LMNB2: variants seen among roughly 807,000 people sequenced by gnomAD.
LMNB2 encodes the protein lamin B2.
LMNB2 carries 17 observed loss-of-function variants against 69.3 expected under a neutral mutation model. The ratio of observed to expected loss-of-function variants is 0.25; its 90% CI spans 0.17 to 0.37. The LOEUF is 0.37. Among genes scored for constraint, LMNB2 ranks in the 10% least tolerant of loss-of-function variants. The probability of loss-of-function intolerance (pLI) is 1.00; values close to 1 mark genes in which losing one functional copy is unlikely to be tolerated. For missense variants in LMNB2, 789 were observed against 883.6 expected, an observed-to-expected ratio of 0.89 and a Z score of 1.36; for synonymous variants, 397 against 389.3, an observed-to-expected ratio of 1.02 and a Z score of -0.23.
Position 2,436,544 on chromosome 19 carries a change from C to A in LMNB2, c.685-1373G>T, listed in dbSNP as rs1263404849. 4.0e-5 allele frequency among the ~76,000 whole-genome samples: 6 copies of A among 150,390 alleles called. 1 individual carries two copies. Among genetic ancestry groups the A allele is most frequent in the African/African-American group, 1.2e-4 (5 of 40,960 alleles). On this transcript the variant is annotated intron_variant, in intron 4 of 11. Coordinates refer to ENST00000325327, the MANE Select transcript of LMNB2 (RefSeq NM_032737.4). ...GCCCTCCCGCCTCCACGGCCGCGCA[C>A]CCGCCTGCACAGCCGCCCTCCCGCC...
At chr19:2,445,201 C>A (rs2145463754) in intron 1 of LMNB2, among the ~76,000 whole-genome samples, 1 of 151,486 alleles carries the variant, frequency 6.6e-6, no homozygotes, top group African/African-American at 2.4e-5. Flanking sequence ...GGAGTCCCCT[C>A]CCAGACCCCT....
chr19:2,449,219 CAT>C (rs1253966741), intron 1 of LMNB2, among the ~76,000 whole-genome samples: 1 of 152,210 alleles, frequency 6.6e-6, no homozygotes, highest in African/African-American at 2.4e-5. Context: ...TAAATGCTCA[CAT>C]ACTTACCATT....
Position 2,456,950 on chromosome 19 carries a change from G to C in LMNB2, c.-17C>G. ...CGGGCTCATTCAATCCGCGCCGCCG[G>C]CTGCAAGATGGCGCCGCGCCGCGCC... On this transcript the variant is annotated 5_prime_UTR_variant, in exon 1 of 12. Coordinates refer to ENST00000325327, the MANE Select transcript of LMNB2 (RefSeq NM_032737.4). 1.0e-6 allele frequency: 1 copy of C among 986,180 alleles called. No homozygotes were observed. Among genetic ancestry groups the C allele is most frequent in the Non-Finnish European group, 1.2e-6 (1 of 831,568 alleles). 61.1% of individuals were successfully genotyped at this position (986,180 alleles called of 1,614,324 possible).
chr19:2,456,272 C>T (rs1464819100), intron 1 of LMNB2, among the ~76,000 whole-genome samples: 1 of 150,158 alleles, frequency 6.7e-6, no homozygotes, highest in African/African-American at 2.5e-5. Context: ...GCACCCCTCA[C>T]TCAGAAGCCC....
In LMNB2 at chr19:2,444,409, G is replaced by T. The variant is rs568695455; in HGVS notation, c.396C>A (p.Asn132Lys). The T allele has an allele frequency of 1.2e-6, 2 of 1,613,740 alleles. No homozygotes were observed. The highest frequency in any genetic ancestry group is 1.3e-5 in the African/African-American group (1 of 75,034). Residue 132 changes from asparagine to lysine, a missense_variant, in exon 2 of 12, where the codon AAC becomes AAA. Physicochemically the swap from Asn to Lys is moderately conservative, Grantham distance 94. Transcript: ENST00000325327. ...GKLRAELDEVNKSAKKREGEL... is the reference protein window; with the variant it reads ...GKLRAELDEVKKSAKKREGEL... ...GCCCAGCCGTGACCACTCACCTCTT[G>T]TTGACCTCGTCCAACTCTGCCCTCA...
chr19:2,431,198 A>G (rs1457744547), intron 11 of LMNB2, among the ~76,000 whole-genome samples: 3 of 152,142 alleles, frequency 2.0e-5, no homozygotes, highest in Non-Finnish European at 4.4e-5. Flanking sequence ...TGGTTTCTGC[A>G]CTCATCTTCT....
In LMNB2 at chr19:2,438,389, C is replaced by T; in HGVS notation, c.544G>A (p.Ala182Thr). The T allele has an allele frequency of 3.7e-6, 6 of 1,612,962 alleles. No individual in the cohort carries two copies. The highest frequency in any genetic ancestry group is 5.1e-6 in the Non-Finnish European group (6 of 1,179,892). The change falls in exon 3 of 12, where the codon GCC becomes ACC. Residue 182 changes from alanine (A) to threonine (T), a missense_variant. This residue lies in a region of LMNB2 where 609 missense variants were observed against 630.9 expected (regional missense o/e 0.97). Transcript: ENST00000325327. The stretch of plus-strand genomic sequence containing the variant: ...CTGGCACCTACCTTGGCCAGCTGGG[C>T]CCGCAGCTCAGCCACGTCACTCTCC... ...GLESDVAELR[A>T]QLAKAEDGHA...
At chr19:2,445,343 C>T (rs553599968) in intron 1 of LMNB2, among the ~76,000 whole-genome samples, 6 of 152,178 alleles carry the variant, frequency 3.9e-5, no homozygotes, top group South Asian at 2.1e-4. Context: ...CTACCTCACA[C>T]GCAGGCACAT....
chr19:2,438,427 T>C lies in LMNB2; in HGVS notation c.506A>G (p.Asp169Gly), dbSNP rs748453646. The C allele has an allele frequency of 1.9e-6, 3 of 1,612,650 alleles. No homozygotes were observed. Among genetic ancestry groups the C allele is most frequent in the Non-Finnish European group, 2.5e-6 (3 of 1,179,892 alleles). ...SEVELAAALS[D>G]KRGLESDVAE... The stretch of plus-strand genomic sequence containing the variant: ...CACGTCACTCTCCAGGCCGCGCTTG[T>C]CGCTGAGGGCAGCTGCCAGCTCCAC... Residue 169 changes from aspartate to glycine, a missense_variant, in exon 3 of 12, where the codon GAC (aspartate) becomes GGC (glycine). Asp to Gly is a moderately conservative substitution (Grantham distance 94, BLOSUM62 -1). Transcript: ENST00000325327.
chr19:2,451,174 G>C (rs189372294), intron 1 of LMNB2, among the ~76,000 whole-genome samples: 1 of 152,136 alleles, frequency 6.6e-6, no homozygotes, highest in Non-Finnish European at 1.5e-5. Context: ...GCCTGAATCC[G>C]GGAGGCAGAG....
rs946954631 is a variant in LMNB2 at position 2,430,023 on chromosome 19, G to C, written c.*888C>G. On this transcript the variant is annotated 3_prime_UTR_variant, in exon 12 of 12. Coordinates refer to ENST00000325327, the MANE Select transcript of LMNB2 (RefSeq NM_032737.4). ...CACAGGGCAGACGGAGCTGGAACAC[G>C]GGAGGGGCTCCACAGCGCTCTCCTC... 6.6e-6 allele frequency: 1 copy of C among 152,496 alleles called. No homozygotes were observed. Among genetic ancestry groups the C allele is most frequent in the African/African-American group, 2.4e-5 (1 of 41,436 alleles). 9.4% of individuals were successfully genotyped at this position (152,496 alleles called of 1,614,324 possible). A position where few individuals can be genotyped will look rare whatever the true frequency, so the allele number is the denominator to read the frequency against.
chr19:2,449,338 G>C (rs548584015), intron 1 of LMNB2, among the ~76,000 whole-genome samples: 53 of 152,354 alleles, frequency 3.5e-4, no homozygotes, highest in African/African-American at 1.3e-3. Flanking sequence ...CCATCCGGGA[G>C]TGTGGGAGTG....
Position 2,430,337 on chromosome 19 carries a change from G to T in LMNB2, c.*574C>A, listed in dbSNP as rs544970919. On this transcript the variant is annotated 3_prime_UTR_variant, in exon 12 of 12. Coordinates refer to ENST00000325327, the MANE Select transcript of LMNB2 (RefSeq NM_032737.4). ...CCAGAACGGGAATCTGGAAGCCCAGGCAGCGGAGTGAAAACCCGCCCTGGG... is the reference window on the plus strand; with the variant it reads ...CCAGAACGGGAATCTGGAAGCCCAGTCAGCGGAGTGAAAACCCGCCCTGGG... 1.0e-3 allele frequency: 175 copies of T among 172,506 alleles called. No individual in the cohort carries two copies. Among genetic ancestry groups the T allele is most frequent in the Admixed American group, 8.1e-4 (15 of 18,408 alleles). 10.7% of individuals were successfully genotyped at this position (172,506 alleles called of 1,614,324 possible).
Position 2,453,531 on chromosome 19 carries a change from G to A in LMNB2, c.264+3139C>T, listed in dbSNP as rs895139463. On this transcript the variant is annotated intron_variant, in intron 1 of 11. Transcript: ENST00000325327. This position sits in a 1 kb window ranked among gnomAD's most constrained non-coding sequence, Gnocchi z 4.4. ...CCGGGTTCCTGGCCCACTAGTCGCAGGCGGAACTCCCAGCTGTCCCCTGCC... is the reference window on the plus strand; with the variant it reads ...CCGGGTTCCTGGCCCACTAGTCGCAAGCGGAACTCCCAGCTGTCCCCTGCC... Among the ~76,000 whole-genome samples, 2 of 152,066 alleles carry A rather than the reference G, an allele frequency of 1.3e-5. No individual in the cohort carries two copies. Among genetic ancestry groups the A allele is most frequent in the Non-Finnish European group, 2.9e-5 (2 of 67,998 alleles).
rs561728229 is a variant in LMNB2 at position 2,456,087 on chromosome 19, A to G, written c.264+583T>C. On this transcript the variant is annotated intron_variant, in intron 1 of 11. Coordinates refer to ENST00000325327, the MANE Select transcript of LMNB2 (RefSeq NM_032737.4). ...AGACCCCAAGCCGGGAGTCGTTCAG[A>G]GTCCCCCGCGATCGCGCGCCCCGTG... Among the ~76,000 whole-genome samples the G allele has an allele frequency of 5.4e-5, 8 of 147,510 alleles. No individual in the cohort carries two copies. In the South Asian group the frequency reaches 1.5e-3, roughly 28 times the overall value.
chr19:2,441,525 G>C (rs1188110041), intron 2 of LMNB2, among the ~76,000 whole-genome samples: 1 of 152,236 alleles, frequency 6.6e-6, no homozygotes. Context: ...TTCGCTCAGA[G>C]GGCTGCGAGC....
At chr19:2,437,060 C>T (rs79819585) in intron 4 of LMNB2, 13,791 of 152,778 alleles carry the variant, frequency 0.09, 904 homozygotes, top group East Asian at 0.37. Context: ...GGGCCCCCCC[C>T]ACTCCCTGGG....
Position 2,430,971 on chromosome 19 carries a change from G to A in LMNB2, c.1822-19C>T, listed in dbSNP as rs1240241934. 2.5e-6 allele frequency: 4 copies of A among 1,573,320 alleles called. No individual in the cohort carries two copies. In the African/African-American group the frequency reaches 5.4e-5, roughly 21 times the overall value. On this transcript the variant is annotated intron_variant, in intron 11 of 11. Coordinates refer to ENST00000325327, the MANE Select transcript of LMNB2 (RefSeq NM_032737.4). ...GGTCCCCCTGCAGGAAGGAAGGAAG[G>A]AAGGTCGGCCATGATCAGGGCCAGC...
At chr19:2,438,675 C>T in intron 2 of LMNB2, 144 bp from the exon 3 acceptor site, 1 of 968,016 alleles carries the variant, frequency 1.0e-6, no homozygotes, top group Non-Finnish European at 1.5e-6. Flanking sequence ...GACGACGCGG[C>T]CCCACGCGCC....
Sources: allele counts gnomAD v4.1 joint callset (sites outside exome capture counted in the v4.1 genomes callset), GRCh38; gene constraint gnomAD v4.1.1; regional missense constraint gnomAD v4.1.1; non-coding constraint Gnocchi (gnomAD v3.1); transcripts MANE v1.5; gene names NCBI Gene and HGNC (gene_info 2026-07-23, HGNC 2026-07-21).